SNED1: variants seen among roughly 807,000 people sequenced by gnomAD.
SNED1 encodes the protein sushi, nidogen and EGF like domains 1.
In SNED1, 81 loss-of-function variants were observed where a neutral mutation model predicts 166.7. The observed-to-expected ratio is 0.49, with a 90% CI of 0.41 to 0.58. SNED1 has a LOEUF of 0.58. Ranked by LOEUF, SNED1 falls within the 20% of genes least tolerant of loss-of-function variation. SNED1 has a pLI of 0.00. For missense variants in SNED1, 1,604 were observed against 2,000.2 expected, an observed-to-expected ratio of 0.80 and a Z score of 3.78; for synonymous variants, 762 against 822.0, an observed-to-expected ratio of 0.93 and a Z score of 1.25.
intron 27 of SNED1, among the ~76,000 whole-genome samples, chr2:241,076,863 G>A (rs1435393571): frequency 5.3e-5 from 8 of 152,268 alleles, no homozygotes; most frequent in South Asian, 2.1e-4. Flanking sequence ...AGGCCGAGGC[G>A]GGCGGATCAC....
chr2:241,069,814 G>T lies in SNED1; in HGVS notation c.3308-106G>T. 7.7e-7 allele frequency: 1 copy of T among 1,305,468 alleles called. No homozygotes were observed. The highest frequency in any genetic ancestry group is 1.1e-6 in the Non-Finnish European group (1 of 945,610). 80.9% of individuals were successfully genotyped at this position (1,305,468 alleles called of 1,614,324 possible). ...TACCATTCTCCATAATAAAGAATCT[G>T]GCTTCCAGCAAGGCTGCGGCAGCCC... On this transcript the variant is annotated intron_variant, in intron 23 of 31. Coordinates refer to ENST00000310397, the MANE Select transcript of SNED1 (RefSeq NM_001080437.3). The surrounding 1 kb of genome is among the most constrained non-coding windows in gnomAD (Gnocchi z 4.9).
chr2:241,063,947 G>A, intron 18 of SNED1, 65 bp from the exon 19 acceptor site: 1 of 1,220,606 alleles, frequency 8.2e-7, no homozygotes, highest in Non-Finnish European at 1.2e-6. Flanking sequence ...TCTTCCCGCT[G>A]TCCTCTCCTC....
At chr2:241,007,698 G>C (rs955917423) in intron 1 of SNED1, among the ~76,000 whole-genome samples, 4 of 152,126 alleles carry the variant, frequency 2.6e-5, no homozygotes, top group African/African-American at 9.7e-5. Context: ...ATCTCATATG[G>C]GTCTCTGTGT....
At chr2:241,014,014 C>CTT (rs879284582) in intron 1 of SNED1, among the ~76,000 whole-genome samples, 1 of 143,674 alleles carries the variant, frequency 7.0e-6, no homozygotes, top group African/African-American at 2.5e-5. Flanking sequence ...TTTTTCTTTT[C>CTT]TTTTTTTTTT....
At chr2:241,009,101 G>A (rs1297118077) in intron 1 of SNED1, among the ~76,000 whole-genome samples, 1 of 152,232 alleles carries the variant, frequency 6.6e-6, no homozygotes, top group African/African-American at 2.4e-5. Flanking sequence ...AGACTCTCAG[G>A]TATGTGGGGA....
chr2:241,050,697 G>A (rs1013052522), intron 12 of SNED1, among the ~76,000 whole-genome samples: 1 of 152,212 alleles, frequency 6.6e-6, no homozygotes, highest in Non-Finnish European at 1.5e-5. Flanking sequence ...TTCTTTGCAA[G>A]CTCTGACGAG....
intron 3 of SNED1, 75 bp from the exon 4 acceptor site, chr2:241,034,493 T>G: frequency 7.4e-7 from 1 of 1,358,984 alleles, no homozygotes. Flanking sequence ...AGGAACATGG[T>G]GGGGGCAGGG....
intron 1 of SNED1, among the ~76,000 whole-genome samples, chr2:241,003,487 C>T (rs967371835): frequency 4.6e-5 from 7 of 152,216 alleles, no homozygotes; most frequent in Non-Finnish European, 5.9e-5. Context: ...ATTTCTGCAC[C>T]GTGTGTTCCC....
chr2:241,014,008 T>C (rs978978437), intron 1 of SNED1, among the ~76,000 whole-genome samples: 4 of 151,966 alleles, frequency 2.6e-5, no homozygotes, highest in Admixed American at 6.6e-5. Flanking sequence ...TACTCTTTTT[T>C]CTTTTCTTTT....
In SNED1 at chr2:241,068,124, C is replaced by G. The variant is rs927955539; in HGVS notation, c.3194+177C>G. Among the ~76,000 whole-genome samples, 1 of 152,154 alleles carries G rather than the reference C, an allele frequency of 6.6e-6. No individual in the cohort carries two copies. Among genetic ancestry groups the G allele is most frequent in the African/African-American group, 2.4e-5 (1 of 41,434 alleles). On this transcript the variant is annotated intron_variant, in intron 22 of 31. Transcript: ENST00000310397. This position sits in a 1 kb window ranked among gnomAD's most constrained non-coding sequence, Gnocchi z 5.3. Reference sequence around the variant, plus strand: ...AGCCTCAGACCCTGGAGGCTTCACTCCCGCCTCACCTCATCAGGGCTGCCA... The same window carrying G: ...AGCCTCAGACCCTGGAGGCTTCACTGCCGCCTCACCTCATCAGGGCTGCCA...
At chr2:241,043,942 T>C (rs2061578983) in intron 8 of SNED1, among the ~76,000 whole-genome samples, 1 of 152,172 alleles carries the variant, frequency 6.6e-6, no homozygotes, top group Non-Finnish European at 1.5e-5. Context: ...TAAGAAGAAA[T>C]GGAAGTATAA....
At chr2:241,044,399 T>A (rs2061596158) in intron 8 of SNED1, among the ~76,000 whole-genome samples, 1 of 152,222 alleles carries the variant, frequency 6.6e-6, no homozygotes, top group South Asian at 2.1e-4. Context: ...TCTACCCCTG[T>A]CTCTCCCCCA....
chr2:241,013,953 G>T lies in SNED1; in HGVS notation c.213+14903G>T, dbSNP rs569871133. On this transcript the variant is annotated intron_variant, in intron 1 of 31. Transcript: ENST00000310397. The surrounding 1 kb of genome is among the most constrained non-coding windows in gnomAD (Gnocchi z 4.6). ...AGTGGGATTGCTAGGCCATATGTCAGTTCTATTTTTAATTTTTTAGGTGGG... is the reference window on the plus strand; with the variant it reads ...AGTGGGATTGCTAGGCCATATGTCATTTCTATTTTTAATTTTTTAGGTGGG... 2.4e-4 allele frequency among the ~76,000 whole-genome samples: 36 copies of T among 151,862 alleles called. 1 individual carries two copies. The South Asian group carries it at 7.3e-3, about 31-fold the overall frequency.
At chr2:241,070,845 G>A (rs1241703190) in intron 24 of SNED1, among the ~76,000 whole-genome samples, 1 of 152,220 alleles carries the variant, frequency 6.6e-6, no homozygotes, top group Non-Finnish European at 1.5e-5. Context: ...GACAAGCAGG[G>A]AGGAGAGGCC....
In SNED1 at chr2:241,030,464, G is replaced by A. The variant is rs377725356; in HGVS notation, c.394G>A (p.Glu132Lys). ...TDPAMLRRAT[E>K]DVRHYFPELL... The stretch of plus-strand genomic sequence containing the variant: ...CCCAGCCATGCTGCGCCGAGCCACG[G>A]AGGACGTCAGGCACTACTTCCCCGA... Residue 132 changes from glutamate to lysine, a missense_variant, in exon 2 of 32, where the codon GAG becomes AAG. Around this residue, in one of 2 missense-constraint regions of SNED1, gnomAD observed 1,237 missense variants for 1,620.8 expected, o/e 0.76. Transcript: ENST00000310397. 2.1e-4 allele frequency: 335 copies of A among 1,613,772 alleles called. No homozygotes were observed. The highest frequency in any genetic ancestry group is 2.6e-4 in the Non-Finnish European group (305 of 1,179,878).
upstream of SNED1, among the ~76,000 whole-genome samples, chr2:240,998,118 C>T (rs753682637): frequency 6.6e-6 from 1 of 152,284 alleles, no homozygotes; most frequent in Non-Finnish European, 1.5e-5. Flanking sequence ...CAGATGCAAA[C>T]ACTTTGTTCC....
chr2:241,078,046 A>T (rs2063112747), intron 27 of SNED1, among the ~76,000 whole-genome samples: 1 of 152,200 alleles, frequency 6.6e-6, no homozygotes, highest in African/African-American at 2.4e-5. Flanking sequence ...GCAGCACAGC[A>T]CAAAAGCCAG....
chr2:240,998,905 G>T lies in SNED1; in HGVS notation c.68G>T (p.Arg23Leu). 1 of 1,234,332 alleles carries T rather than the reference G, an allele frequency of 8.1e-7. No homozygotes were observed. The highest frequency in any genetic ancestry group is 3.5e-5 in the East Asian group (1 of 28,958). The allele number at this position is 1,234,332 out of a possible 1,614,324, so 76.5% of individuals were successfully genotyped here. A position where few individuals can be genotyped will look rare whatever the true frequency, so the allele number is the denominator to read the frequency against. Residue 23 changes from arginine (R) to leucine (L), a missense_variant, in exon 1 of 32, where the codon CGC becomes CTC. By Grantham distance (102) the Arg-to-Leu change is moderately radical (BLOSUM62 -2). This residue lies in a region of SNED1 where 1,237 missense variants were observed against 1,620.8 expected (regional missense o/e 0.76). Transcript: ENST00000310397. ...AALGLGARGV[R>L]GAVALADFYP... ...CTGGGGCTTGGGGCGCGCGGGGTGC[G>T]CGGCGCGGTGGCCCTTGCCGACTTC... is the stretch of plus-strand genomic sequence containing the variant.
chr2:241,081,814 A>G (rs760149541), intron 28 of SNED1, 21 bp downstream of exon 28: 2 of 1,531,986 alleles, frequency 1.3e-6, no homozygotes, highest in South Asian at 2.4e-5. Flanking sequence ...GCTTGGCCTC[A>G]GGGCGCCCCT....
Sources: gnomAD v4.1 joint callset for allele counts (sites outside exome capture counted in the v4.1 genomes callset) on GRCh38, gnomAD v4.1.1 for gene constraint, gnomAD v4.1.1 regional missense constraint, Gnocchi (gnomAD v3.1) non-coding constraint, MANE v1.5 for transcripts, NCBI Gene and HGNC (gene_info 2026-07-23, HGNC 2026-07-21) for gene names.